The following ADGRD1 variants were observed in gnomAD, a reference collection of about 807,000 sequenced individuals.
ADGRD1 encodes G-protein coupled receptor 133.
Under a neutral mutation model 113.4 loss-of-function variants are expected in ADGRD1, and 77 were observed. That is an observed-to-expected ratio of 0.68 (90% CI 0.57 to 0.82). The LOEUF (loss-of-function observed/expected upper bound fraction) is 0.82. ADGRD1 is among the 40% of genes least tolerant of loss of function. The probability of loss-of-function intolerance (pLI) is 0.00; values close to 1 mark genes in which losing one functional copy is unlikely to be tolerated. For synonymous variants in ADGRD1, 474 were observed against 475.0 expected (o/e 1.00, Z 0.03); for missense variants, 1,036 against 1,139.1 (o/e 0.91, Z 1.30).
At chr12:131,127,540 C>T (rs926213887) in intron 20 of ADGRD1, among the ~76,000 whole-genome samples, 1 of 150,606 alleles carries the variant, frequency 6.6e-6, no homozygotes, top group African/African-American at 2.4e-5. Context: ...GGACCCTGAG[C>T]TCAGGTGAGG....
chr12:130,982,642 G>T (rs1873151146), intron 5 of ADGRD1, among the ~76,000 whole-genome samples: 1 of 152,212 alleles, frequency 6.6e-6, no homozygotes, highest in Admixed American at 6.5e-5. Context: ...CAGAGGAAGG[G>T]GCTAGGGGAG....
rs527245518 is a variant in ADGRD1, at chr12:131,119,721, G to C, written c.2109-1126G>C. ...AAGCATCCTACTCTCCGGAGAGCCTGGTTTGAATCGCACCTTTGCAGAGGT... is the reference window on the plus strand; with the variant it reads ...AAGCATCCTACTCTCCGGAGAGCCTCGTTTGAATCGCACCTTTGCAGAGGT... On this transcript the variant is annotated intron_variant, in intron 19 of 24. Transcript: ENST00000261654. Among the ~76,000 whole-genome samples the C allele has an allele frequency of 3.3e-5, 5 of 152,364 alleles. No homozygotes were observed. The East Asian group carries it at 9.6e-4, about 29-fold the overall frequency.
Position 130,954,122 on chromosome 12 carries a change from A to T in ADGRD1, c.-344A>T, listed in dbSNP as rs1049391984. On this transcript the variant is annotated 5_prime_UTR_variant, in exon 1 of 25. Coordinates refer to ENST00000261654, the MANE Select transcript of ADGRD1 (RefSeq NM_198827.5). The surrounding 1 kb of genome is among the most constrained non-coding windows in gnomAD (Gnocchi z 4.7). ...AAAAAGAAAATACCGCAGGACAAACAGCCTCCCGTCCCCGGGCGCAGGTCG... is the reference window on the plus strand; with the variant it reads ...AAAAAGAAAATACCGCAGGACAAACTGCCTCCCGTCCCCGGGCGCAGGTCG... 21 of 279,460 alleles carry T rather than the reference A, an allele frequency of 7.5e-5. 1 individual carries two copies. In the East Asian group the frequency reaches 1.2e-3, roughly 16 times the overall value. The allele number at this position is 279,460 out of a possible 1,614,324, so 17.3% of individuals were successfully genotyped here.
At chr12:130,982,216 G>T (rs552678792) in intron 5 of ADGRD1, among the ~76,000 whole-genome samples, 153 bp downstream of exon 5, 1 of 152,160 alleles carries the variant, frequency 6.6e-6, no homozygotes, top group African/African-American at 2.4e-5. Flanking sequence ...TTGTTGGGGA[G>T]GTGCATGGGG....
intron 18 of ADGRD1, among the ~76,000 whole-genome samples, chr12:131,115,099 C>T (rs564175210): frequency 3.9e-5 from 6 of 152,236 alleles, no homozygotes; most frequent in South Asian, 4.1e-4. Context: ...GAGGGGGATC[C>T]GTCAGGGTAG....
chr12:131,010,138 A>G (rs1273804426), intron 12 of ADGRD1, among the ~76,000 whole-genome samples: 1 of 152,230 alleles, frequency 6.6e-6, no homozygotes, highest in African/African-American at 2.4e-5. Context: ...TCAGGGGCTC[A>G]GTCTCCTTCA....
intron 2 of ADGRD1, among the ~76,000 whole-genome samples, chr12:130,961,898 G>A (rs1476858411): frequency 1.3e-5 from 2 of 152,180 alleles, no homozygotes; most frequent in Non-Finnish European, 2.9e-5. Context: ...AAAGCTTCCT[G>A]CAGAGCCGCA....
chr12:131,002,444 A>T, intron 9 of ADGRD1: 2 of 858,734 alleles, frequency 2.3e-6, no homozygotes, highest in Non-Finnish European at 2.8e-6. Context: ...GGCTCTTCTG[A>T]AGTGCGTGTT....
At chr12:131,094,581 C>T (rs1395489856) in intron 15 of ADGRD1, among the ~76,000 whole-genome samples, 2 of 131,222 alleles carry the variant, frequency 1.5e-5, no homozygotes, top group East Asian at 4.5e-4. Flanking sequence ...TGTTCAGCAG[C>T]GCCCCCCCGA....
chr12:130,998,450 TTTTTCTTTTC>T (rs372913626), intron 8 of ADGRD1, among the ~76,000 whole-genome samples: 2 of 152,136 alleles, frequency 1.3e-5, no homozygotes, highest in Middle Eastern at 3.4e-3. Flanking sequence ...GTTTCTTTCT[TTTTTCTTTTC>T]TTTTCTTTTC....
rs56090874 is a variant in ADGRD1, at chr12:130,954,426, G to T, written c.-40G>T. 0.21 allele frequency: 317,492 copies of T among 1,511,100 alleles called. 37,866 individuals carry two copies. The highest frequency in any genetic ancestry group is 0.5 in the East Asian group (21,622 of 43,398). The allele number at this position is 1,511,100 out of a possible 1,614,324, so 93.6% of individuals were successfully genotyped here. ...AGGTCCCGTTCTCACAGACCCTCAG[G>T]AATTTCACTTGGCTCCGAGCTTTGA... On this transcript the variant is annotated 5_prime_UTR_variant, in exon 1 of 25. Coordinates refer to ENST00000261654, the MANE Select transcript of ADGRD1 (RefSeq NM_198827.5). This position sits in a 1 kb window ranked among gnomAD's most constrained non-coding sequence, Gnocchi z 4.7.
Position 131,063,673 on chromosome 12 carries a change from G to A in ADGRD1, c.1474-13128G>A, listed in dbSNP as rs1476842511. Among the ~76,000 whole-genome samples the A allele has an allele frequency of 2.0e-5, 3 of 152,194 alleles. No homozygotes were observed. In the South Asian group the frequency reaches 6.2e-4, roughly 32 times the overall value. ...CCACACAGTCTTGATTACTGTAGCT[G>A]TGTAGTAGGTCTTGAAATCAGGTAG... On this transcript the variant is annotated intron_variant, in intron 13 of 24. Transcript: ENST00000261654.
chr12:130,972,921 A>G (rs545094812), intron 4 of ADGRD1, among the ~76,000 whole-genome samples: 3 of 152,288 alleles, frequency 2.0e-5, no homozygotes, highest in African/African-American at 7.2e-5. Flanking sequence ...GACCAGCGGG[A>G]AATCAGAGCT....
At chr12:131,132,989 T>G (rs1273794834) in intron 21 of ADGRD1, among the ~76,000 whole-genome samples, 1 of 152,186 alleles carries the variant, frequency 6.6e-6, no homozygotes. Context: ...TAAATTAACC[T>G]GACAAGAGGC....
At chr12:131,043,899 A>C (rs1205946766) in intron 13 of ADGRD1, among the ~76,000 whole-genome samples, 1 of 152,024 alleles carries the variant, frequency 6.6e-6, no homozygotes, top group Non-Finnish European at 1.5e-5. Flanking sequence ...TGGGAAGTGC[A>C]CCTGTTCCCC....
intron 13 of ADGRD1, 47 bp from the exon 14 acceptor site, chr12:131,076,754 G>A: frequency 6.6e-7 from 1 of 1,516,772 alleles, no homozygotes; most frequent in Non-Finnish European, 9.2e-7. Flanking sequence ...AGAACCAGGG[G>A]CCTCTTCAGC....
chr12:130,992,600 T>G, intron 8 of ADGRD1: 1 of 469,468 alleles, frequency 2.1e-6, no homozygotes, highest in East Asian at 3.4e-5. Context: ...TATGGGCACT[T>G]GAGTCTTTGC....
chr12:131,026,670 T>A (rs1449305652), intron 13 of ADGRD1: 1 of 152,340 alleles, frequency 6.6e-6, no homozygotes, highest in Non-Finnish European at 1.5e-5. Context: ...GGGGCTGGCC[T>A]GGGCATTGCA....
chr12:131,032,327 T>C (rs562307084), intron 13 of ADGRD1, among the ~76,000 whole-genome samples: 53 of 152,246 alleles, frequency 3.5e-4, no homozygotes, highest in African/African-American at 1.3e-3. Flanking sequence ...CGACCCCGCC[T>C]AGATCCTCCA....
Sources: allele counts gnomAD v4.1 joint callset (sites outside exome capture counted in the v4.1 genomes callset), GRCh38; gene constraint gnomAD v4.1.1; non-coding constraint Gnocchi (gnomAD v3.1); transcripts MANE v1.5; gene names NCBI Gene and HGNC (gene_info 2026-07-23, HGNC 2026-07-21).